Variants in C9orf43 observed in about 807,000 individuals in gnomAD.
C9orf43 encodes the protein uncharacterized protein C9orf43.
Under a neutral mutation model 59.1 loss-of-function variants are expected in C9orf43, and 45 were observed. The observed-to-expected ratio is 0.76, with a 90% CI of 0.60 to 0.98. The LOEUF (loss-of-function observed/expected upper bound fraction) is 0.98, where lower values mean the gene tolerates loss of function less well. C9orf43 is among the 50% of genes least tolerant of loss of function. The probability of loss-of-function intolerance (pLI) is 0.00; values close to 1 mark genes in which losing one functional copy is unlikely to be tolerated. For synonymous variants in C9orf43, 203 were observed against 196.8 expected (o/e 1.03, Z -0.26); for missense variants, 533 against 554.9 (o/e 0.96, Z 0.40).
intron 11 of C9orf43, 42 bp from the exon 12 acceptor site, chr9:113,428,105 A>G (rs1234443182): frequency 1.2e-6 from 2 of 1,601,222 alleles, no homozygotes; most frequent in South Asian, 1.1e-5. Context: ...AGGGTATGAT[A>G]TGGTAATAAG....
intron 7 of C9orf43, 73 bp from the exon 8 acceptor site, chr9:113,424,093 A>T: frequency 6.6e-7 from 1 of 1,508,210 alleles, no homozygotes; most frequent in South Asian, 1.4e-5. Context: ...AGCCCTTTAC[A>T]TCTCTTTCTC....
At chr9:113,424,960 A>G in intron 8 of C9orf43, 59 bp from the exon 9 acceptor site, 3 of 1,464,850 alleles carry the variant, frequency 2.0e-6, no homozygotes, top group Non-Finnish European at 2.8e-6. Context: ...TGGGGGATAC[A>G]TTTGGAGAAA....
At chr9:113,427,897 T>C (rs776045577) in intron 11 of C9orf43, among the ~76,000 whole-genome samples, 31 of 152,196 alleles carry the variant, frequency 2.0e-4, no homozygotes, top group African/African-American at 4.8e-4. Flanking sequence ...TTAGGGTTTC[T>C]TGGAGGAATC....
Position 113,413,840 on chromosome 9 carries a change from A to C in C9orf43, c.233A>C (p.Lys78Thr), listed in dbSNP as rs758456205. The C allele has an allele frequency of 6.8e-6, 11 of 1,613,818 alleles. No individual in the cohort carries two copies. The African/African-American group carries it at 1.5e-4, about 22-fold the overall frequency. The change falls in exon 3 of 14, where the codon AAG becomes ACG. Residue 78 changes from lysine to threonine, a missense_variant. Coordinates refer to ENST00000374165, the MANE Select transcript of C9orf43 (RefSeq NM_001278629.2). ...AHHLPECTFT[K>T]AHSLLSQSSK... ...CATTTACCAGAATGTACCTTTACTAAGGCCCATTCTTTATTGTCTCAGAGT... is the reference window on the plus strand; with the variant it reads ...CATTTACCAGAATGTACCTTTACTACGGCCCATTCTTTATTGTCTCAGAGT...
intron 4 of C9orf43, 45 bp from the exon 5 acceptor site, chr9:113,421,058 G>C: frequency 6.9e-7 from 1 of 1,445,866 alleles, no homozygotes; most frequent in Middle Eastern, 1.7e-4. Context: ...TGATATAGGA[G>C]CTTAGCACCT....
intron 4 of C9orf43, 128 bp downstream of exon 4, chr9:113,419,293 C>A: frequency 1.5e-6 from 1 of 675,392 alleles, no homozygotes; most frequent in South Asian, 2.0e-5. Context: ...TGATAGTAAC[C>A]ATCTAATATT....
intron 4 of C9orf43, chr9:113,420,871 C>A: frequency 2.8e-6 from 2 of 724,340 alleles, no homozygotes; most frequent in Non-Finnish European, 3.4e-6. Flanking sequence ...ACCCTAATGG[C>A]ACAGGGAAGC....
At chr9:113,417,180 GT>G (rs1274906370) in intron 3 of C9orf43, among the ~76,000 whole-genome samples, 3 of 152,188 alleles carry the variant, frequency 2.0e-5, no homozygotes, top group African/African-American at 4.8e-5. Context: ...TGCATGGCAA[GT>G]AGTGGAAACA....
In C9orf43 at chr9:113,425,327, G is replaced by C. The variant is rs1463140891; in HGVS notation, c.866-17G>C. 1.9e-6 allele frequency: 3 copies of C among 1,613,748 alleles called. No homozygotes were observed. The highest frequency in any genetic ancestry group is 2.5e-6 in the Non-Finnish European group (3 of 1,179,942). On this transcript the variant is annotated splice_polypyrimidine_tract_variant and intron_variant, in intron 9 of 13. Coordinates refer to ENST00000374165, the MANE Select transcript of C9orf43 (RefSeq NM_001278629.2). ...GGGGCTGTTAGAAGAGGATCAAGCT[G>C]GCTCTCTGGTCACCAGGTTACAGGA...
intron 5 of C9orf43, 58 bp downstream of exon 5, chr9:113,421,261 T>C: frequency 1.1e-5 from 14 of 1,272,406 alleles, no homozygotes; most frequent in African/African-American, 1.5e-5. Flanking sequence ...TGATGTCTTC[T>C]GCAGCGTCCT....
At position 113,410,840 on chromosome 9, in the gene C9orf43, G is replaced by T; in HGVS notation, c.-211G>T. ...ACCACTTGATTTAGCAACCCTAAGC[G>T]GTTTGGAATCTGCTTTGCTCTCACA... On this transcript the variant is annotated 5_prime_UTR_variant, in exon 1 of 14. Transcript: ENST00000374165. 1 of 626,220 alleles carries T rather than the reference G, an allele frequency of 1.6e-6. No homozygotes were observed. The highest frequency in any genetic ancestry group is 2.0e-6 in the Non-Finnish European group (1 of 499,492). The allele number at this position is 626,220 out of a possible 1,614,324, so 38.8% of individuals were successfully genotyped here. A position where few individuals can be genotyped will look rare whatever the true frequency, so the allele number is the denominator to read the frequency against.
chr9:113,421,493 C>T (rs754682853), intron 5 of C9orf43, among the ~76,000 whole-genome samples: 1 of 151,776 alleles, frequency 6.6e-6, no homozygotes, highest in Non-Finnish European at 1.5e-5. Context: ...AATAAATGCT[C>T]TCTCTTAGTT....
rs1427653825 is a variant in C9orf43 at position 113,413,476 on chromosome 9, C to T, written c.-18C>T. The T allele has an allele frequency of 1.2e-6, 2 of 1,607,092 alleles. No individual in the cohort carries two copies. Among genetic ancestry groups the T allele is most frequent in the Non-Finnish European group, 1.7e-6 (2 of 1,174,420 alleles). ...AGAATGCTGCAGGGTTGGCCTTTGG[C>T]CTAAACCATTTCTAGCTATGGACTT... On this transcript the variant is annotated 5_prime_UTR_variant, in exon 2 of 14. Transcript: ENST00000374165.
intron 5 of C9orf43, among the ~76,000 whole-genome samples, 190 bp downstream of exon 5, chr9:113,421,393 C>T (rs1475719632): frequency 6.6e-6 from 1 of 151,790 alleles, no homozygotes; most frequent in Non-Finnish European, 1.5e-5. Context: ...TTTTGAGATT[C>T]ATGCTGTGGG....
Position 113,429,644 on chromosome 9 carries a change from G to T in C9orf43, c.*258G>T. ...ATTTAGATTATTTCCTTTCCATTAG[G>T]GTCAGAATAATTTTGGTGATTAAAC... On this transcript the variant is annotated 3_prime_UTR_variant, in exon 14 of 14. Transcript: ENST00000374165. The T allele has an allele frequency of 2.4e-6, 1 of 414,734 alleles. No homozygotes were observed. Among genetic ancestry groups the T allele is most frequent in the Non-Finnish European group, 4.3e-6 (1 of 232,498 alleles). 25.7% of individuals were successfully genotyped at this position (414,734 alleles called of 1,614,324 possible).
Position 113,428,199 on chromosome 9 carries a change from G to C in C9orf43, c.1083G>C (p.Met361Ile), listed in dbSNP as rs749414753. Reference sequence around the variant, plus strand: ...GTGACATGAAGCAGCAGCAGCAGATGGAAAAAGGAACCACTTCGAAACAGG... The same window carrying C: ...GTGACATGAAGCAGCAGCAGCAGATCGAAAAAGGAACCACTTCGAAACAGG... ...QNSDMKQQQQ[M>I]EKGTTSKQDS... The change falls in exon 12 of 14, where the codon ATG (methionine) becomes ATC (isoleucine). Residue 361 changes from methionine to isoleucine, a missense_variant. Met to Ile is a conservative substitution (Grantham distance 10). Transcript: ENST00000374165. The C allele has an allele frequency of 6.2e-7, 1 of 1,614,180 alleles. No homozygotes were observed. Among genetic ancestry groups the C allele is most frequent in the South Asian group, 1.1e-5 (1 of 91,080 alleles).
intron 12 of C9orf43, 59 bp downstream of exon 12, chr9:113,428,282 C>T: frequency 1.4e-6 from 2 of 1,447,006 alleles, no homozygotes; most frequent in Non-Finnish European, 1.9e-6. Context: ...TACTATGTAA[C>T]AACCCCAAAG....
chr9:113,429,412 G>A lies in C9orf43; in HGVS notation c.*26G>A. ...GAAGCCTCTGGAGGAATAGACTGAA[G>A]GCATCCCCTGGGGCAGCCGTGTTCC... On this transcript the variant is annotated 3_prime_UTR_variant, in exon 14 of 14. Coordinates refer to ENST00000374165, the MANE Select transcript of C9orf43 (RefSeq NM_001278629.2). The A allele has an allele frequency of 6.2e-7, 1 of 1,601,764 alleles. No homozygotes were observed. Among genetic ancestry groups the A allele is most frequent in the Non-Finnish European group, 8.5e-7 (1 of 1,170,510 alleles).
rs764466067 is a variant in C9orf43 at position 113,423,526 on chromosome 9, G to A, written c.656+28G>A. 4.4e-6 allele frequency: 7 copies of A among 1,597,394 alleles called. No homozygotes were observed. The African/African-American group carries it at 6.7e-5, about 15-fold the overall frequency. On this transcript the variant is annotated intron_variant, in intron 7 of 13. Transcript: ENST00000374165. ...AAGTATCATGTAGGTCTGTGGGAGA[G>A]CCAGAGCACCTGCTTTTTACTGAAG... is the stretch of plus-strand genomic sequence containing the variant.
Sources: allele counts gnomAD v4.1 joint callset (sites outside exome capture counted in the v4.1 genomes callset), GRCh38; gene constraint gnomAD v4.1.1; transcripts MANE v1.5; gene names NCBI Gene and HGNC (gene_info 2026-07-23, HGNC 2026-07-21).